The following LAMA2 variants were observed in gnomAD, a reference collection of about 807,000 sequenced individuals.
LAMA2 encodes the protein laminin subunit alpha-2.
A neutral mutation model predicts 364.8 loss-of-function variants in LAMA2; 269 were observed. That is an observed-to-expected ratio of 0.74 (90% confidence interval 0.67 to 0.82). The LOEUF (loss-of-function observed/expected upper bound fraction) is 0.82, where lower values mean the gene tolerates loss of function less well. Ranked by LOEUF, LAMA2 falls within the 40% of genes least tolerant of loss-of-function variation. LAMA2 has a pLI of 0.00. For synonymous variants in LAMA2, 1,379 were observed against 1,370.6 expected, an observed-to-expected ratio of 1.01 and a Z score of -0.14; for missense variants, 3,807 against 3,873.2, an observed-to-expected ratio of 0.98 and a Z score of 0.45.
chr6:129,393,927 T>C (rs2114676317), intron 37 of LAMA2, among the ~76,000 whole-genome samples: 1 of 152,316 alleles, frequency 6.6e-6, no homozygotes, highest in South Asian at 2.1e-4. Context: ...TCTGCGTTAT[T>C]TTCTCCTCCT....
intron 20 of LAMA2, chr6:129,292,904 C>G: frequency 1.0e-6 from 1 of 985,888 alleles, no homozygotes; most frequent in Non-Finnish European, 1.2e-6. Flanking sequence ...GAAGATGTGT[C>G]TGTAAATCAG....
At chr6:129,068,290 A>G (rs1440698313) in intron 3 of LAMA2, among the ~76,000 whole-genome samples, 1 of 152,220 alleles carries the variant, frequency 6.6e-6, no homozygotes, top group Non-Finnish European at 1.5e-5. Flanking sequence ...TTTAAGGTTG[A>G]ATGGCATTGT....
At position 128,920,585 on chromosome 6, in the gene LAMA2, G is replaced by A. The variant is rs77626391; in HGVS notation, c.112+37228G>A. Reference sequence around the variant, plus strand: ...TCAAACCCTTTTCCCAATTAACCATGTTTATATCCTAGTTTATGTGCTTCC... The same window carrying A: ...TCAAACCCTTTTCCCAATTAACCATATTTATATCCTAGTTTATGTGCTTCC... On this transcript the variant is annotated intron_variant, in intron 1 of 64. Transcript: ENST00000421865. Among the ~76,000 whole-genome samples, 527 of 151,704 alleles carry A rather than the reference G, an allele frequency of 3.5e-3. 1 individual carries two copies. Among genetic ancestry groups the A allele is most frequent in the African/African-American group, 0.011 (447 of 41,302 alleles).
At chr6:128,938,242 G>A (rs1779947559) in intron 1 of LAMA2, among the ~76,000 whole-genome samples, 1 of 152,050 alleles carries the variant, frequency 6.6e-6, no homozygotes, top group African/African-American at 2.4e-5. Flanking sequence ...TAATAATAAT[G>A]AGAGTATCTA....
intron 8 of LAMA2, among the ~76,000 whole-genome samples, chr6:129,164,856 T>C (rs1321206669): frequency 2.0e-5 from 3 of 152,320 alleles, no homozygotes; most frequent in Admixed American, 6.5e-5. Context: ...ATCTCTATGA[T>C]GTTCATAAAA....
At chr6:129,460,139 A>C in intron 48 of LAMA2, 61 bp from the exon 49 acceptor site, 1 of 1,544,266 alleles carries the variant, frequency 6.5e-7, no homozygotes, top group Non-Finnish European at 8.9e-7. Flanking sequence ...ACTCTCATGG[A>C]TAAACCAAGA....
intron 19 of LAMA2, among the ~76,000 whole-genome samples, chr6:129,290,128 T>TA (rs1789592000): frequency 6.6e-6 from 1 of 152,180 alleles, no homozygotes; most frequent in Admixed American, 6.5e-5. Context: ...TTGTTGTTTT[T>TA]ACGATAACAT....
chr6:128,897,824 G>A (rs566118861), intron 1 of LAMA2, among the ~76,000 whole-genome samples: 17 of 152,190 alleles, frequency 1.1e-4, no homozygotes, highest in African/African-American at 4.1e-4. Flanking sequence ...AAGTCCTATC[G>A]GCCAGTTTAC....
intron 1 of LAMA2, among the ~76,000 whole-genome samples, chr6:128,971,684 T>A (rs917079296): frequency 1.5e-4 from 23 of 151,934 alleles, no homozygotes; most frequent in Admixed American, 2.6e-4. Flanking sequence ...CTGAAAAAGG[T>A]AGGGGAGAAA....
intron 40 of LAMA2, among the ~76,000 whole-genome samples, chr6:129,418,577 G>A (rs2114724930): frequency 6.6e-6 from 1 of 152,222 alleles, no homozygotes; most frequent in East Asian, 1.9e-4. Flanking sequence ...GTAAATATCA[G>A]TGAACGTGAT....
intron 37 of LAMA2, among the ~76,000 whole-genome samples, chr6:129,397,007 AAAAG>A (rs1468411631): frequency 6.6e-6 from 1 of 151,420 alleles, no homozygotes; most frequent in Non-Finnish European, 1.5e-5. Flanking sequence ...AAAAAAAAGA[AAAAG>A]AAAATAAAAG....
chr6:129,012,840 A>G (rs1024509852), intron 1 of LAMA2, among the ~76,000 whole-genome samples: 15 of 152,222 alleles, frequency 9.9e-5, no homozygotes, highest in African/African-American at 3.6e-4. Context: ...TGTATTTGCA[A>G]TAAGTGACAC....
chr6:129,006,801 C>T (rs574759675), intron 1 of LAMA2, among the ~76,000 whole-genome samples: 7 of 152,292 alleles, frequency 4.6e-5, no homozygotes, highest in Non-Finnish European at 8.8e-5. Flanking sequence ...ACCAGTCCAA[C>T]TTGGTCTTTG....
intron 7 of LAMA2, among the ~76,000 whole-genome samples, chr6:129,151,623 C>T (rs1412643809): frequency 6.6e-6 from 1 of 152,068 alleles, no homozygotes; most frequent in Non-Finnish European, 1.5e-5. Flanking sequence ...GGCTAGGAGG[C>T]CTCAGGAAAC....
At chr6:129,395,796 C>T (rs1779581545) in intron 37 of LAMA2, among the ~76,000 whole-genome samples, 1 of 152,028 alleles carries the variant, frequency 6.6e-6, no homozygotes, top group African/African-American at 2.4e-5. Flanking sequence ...CACTGGGTCA[C>T]AGAAGAATAA....
chr6:129,451,344 C>T (rs1782665774), intron 45 of LAMA2, among the ~76,000 whole-genome samples: 1 of 152,216 alleles, frequency 6.6e-6, no homozygotes, highest in African/African-American at 2.4e-5. Context: ...ACAGAACAAA[C>T]ACTCTGAGGA....
At chr6:129,269,526 T>A (rs958113368) in intron 16 of LAMA2, among the ~76,000 whole-genome samples, 8 of 152,122 alleles carry the variant, frequency 5.3e-5, no homozygotes, top group African/African-American at 1.7e-4. Context: ...TAATTGGAAA[T>A]AAAAAACCCT....
At chr6:129,182,446 C>T (rs545500928) in intron 10 of LAMA2, among the ~76,000 whole-genome samples, 38 of 151,534 alleles carry the variant, frequency 2.5e-4, no homozygotes, top group African/African-American at 6.3e-4. Flanking sequence ...ATGTGCTCAA[C>T]GTAAATGTAC....
intron 1 of LAMA2, among the ~76,000 whole-genome samples, chr6:129,036,190 T>A (rs576689168): frequency 2.0e-4 from 31 of 152,272 alleles, no homozygotes; most frequent in African/African-American, 7.2e-4. Context: ...TCATAATCAA[T>A]TCCTGGTAGA....
Sources: allele counts gnomAD v4.1 joint callset (sites outside exome capture counted in the v4.1 genomes callset), GRCh38; gene constraint gnomAD v4.1.1; transcripts MANE v1.5; gene names NCBI Gene and HGNC (gene_info 2026-07-23, HGNC 2026-07-21).